RGPD2: variants seen among roughly 807,000 people sequenced by gnomAD.
RGPD2 encodes the protein RANBP2 like and GRIP domain containing 2.
A neutral mutation model predicts 36.0 loss-of-function variants in RGPD2; 2 were observed. That is an observed-to-expected ratio of 0.06 (90% CI 0.02 to 0.17). RGPD2 has a LOEUF of 0.17. RGPD2 is among the 10% of genes least tolerant of loss of function. RGPD2 has a pLI of 1.00. For missense variants in RGPD2, 40 were observed against 464.3 expected (o/e 0.09, Z 8.40); for synonymous variants, 19 against 163.8 (o/e 0.12, Z 6.75).
At chr2:87,912,884 G>T in the RGPD2 span, among the ~76,000 whole-genome samples, 2 of 136,564 alleles carry the variant, frequency 1.5e-5, no homozygotes, top group African/African-American at 5.6e-5. Context: ...ACAAAAAGAA[G>T]ACAGAAGATA....
the RGPD2 span, among the ~76,000 whole-genome samples, chr2:87,948,076 C>T: frequency 6.1e-4 from 93 of 152,328 alleles, no homozygotes; most frequent in African/African-American, 1.9e-3. Context: ...GAACCTTAAG[C>T]GTTACATTAG....
the RGPD2 span, among the ~76,000 whole-genome samples, chr2:87,937,030 T>C: frequency 1.3e-5 from 2 of 151,604 alleles, no homozygotes; most frequent in Admixed American, 1.3e-4. Context: ...GAGCAAAATA[T>C]GGTTTCTGTC....
chr2:87,968,229 T>TGTCACATG, the RGPD2 span, among the ~76,000 whole-genome samples: 2 of 148,096 alleles, frequency 1.4e-5, no homozygotes, highest in Admixed American at 1.4e-4. Context: ...TATCCCTGAA[T>TGTCACATG]GTCACATGGT....
At chr2:87,880,234 T>G in the RGPD2 span, among the ~76,000 whole-genome samples, 1 of 152,238 alleles carries the variant, frequency 6.6e-6, no homozygotes, top group African/African-American at 2.4e-5. Flanking sequence ...ATATATAATT[T>G]GCATATATTT....
the RGPD2 span, among the ~76,000 whole-genome samples, chr2:87,967,734 A>T: frequency 2.7e-5 from 4 of 149,950 alleles, no homozygotes. Flanking sequence ...TCTCTTGGGT[A>T]TCTAAGCTAG....
chr2:87,805,778 T>C (rs563819096), intron 7 of RGPD2, among the ~76,000 whole-genome samples: 1 of 151,888 alleles, frequency 6.6e-6, no homozygotes, highest in African/African-American at 2.4e-5. Context: ...GAAAATGGTG[T>C]GAACTCGGGA....
At chr2:87,857,234 A>G in the RGPD2 span, among the ~76,000 whole-genome samples, 1 of 152,266 alleles carries the variant, frequency 6.6e-6, no homozygotes, top group Non-Finnish European at 1.5e-5. Flanking sequence ...CACATTTTAT[A>G]GATTATAGAC....
chr2:87,978,245 T>G, the RGPD2 span, among the ~76,000 whole-genome samples: 152 of 152,218 alleles, frequency 1.0e-3, 2 homozygotes, highest in South Asian at 0.029. Context: ...GTCTAGAACA[T>G]GTAAGAACTT....
the RGPD2 span, among the ~76,000 whole-genome samples, chr2:87,977,854 G>C: frequency 2.0e-5 from 3 of 152,146 alleles, no homozygotes; most frequent in African/African-American, 7.2e-5. Context: ...AGTGGCTCAC[G>C]CCTGTAATCC....
At chr2:87,964,338 A>G in the RGPD2 span, among the ~76,000 whole-genome samples, 88 of 152,198 alleles carry the variant, frequency 5.8e-4, no homozygotes, top group African/African-American at 2.1e-3. Flanking sequence ...ACCATGTTGC[A>G]AATACAGTTC....
chr2:87,848,816 T>G, the RGPD2 span, among the ~76,000 whole-genome samples: 1 of 149,574 alleles, frequency 6.7e-6, no homozygotes, highest in African/African-American at 2.5e-5. Flanking sequence ...TGGCCAAAAT[T>G]AGAGGTTTTG....
At chr2:87,937,020 G>A in the RGPD2 span, among the ~76,000 whole-genome samples, 54 of 151,496 alleles carry the variant, frequency 3.6e-4, no homozygotes, top group African/African-American at 1.2e-3. Flanking sequence ...ATAAAAACAC[G>A]AGCAAAATAT....
chr2:87,932,568 G>A, the RGPD2 span, among the ~76,000 whole-genome samples: 3 of 138,412 alleles, frequency 2.2e-5, no homozygotes, highest in African/African-American at 5.5e-5. Flanking sequence ...GTACTTCAGT[G>A]TGCTTTTGTA....
the RGPD2 span, among the ~76,000 whole-genome samples, chr2:87,955,928 GT>G: frequency 0.013 from 68 of 5,418 alleles, 1 homozygote; most frequent in African/African-American, 0.052. Flanking sequence ...ACTTACTATA[GT>G]TTTTTTATTC....
At chr2:87,881,731 G>A in the RGPD2 span, among the ~76,000 whole-genome samples, 1,299 of 142,272 alleles carry the variant, frequency 9.1e-3, no homozygotes, top group Non-Finnish European at 0.015. Flanking sequence ...CCAAGGTCGC[G>A]TCCACATTTT....
the RGPD2 span, among the ~76,000 whole-genome samples, chr2:87,878,442 AT>A: frequency 2.0e-5 from 3 of 151,276 alleles, no homozygotes; most frequent in African/African-American, 7.3e-5. Context: ...TTTTATTATG[AT>A]TTTTAGCTTC....
At chr2:87,805,695 T>C (rs950996565) in intron 7 of RGPD2, among the ~76,000 whole-genome samples, 1 of 151,972 alleles carries the variant, frequency 6.6e-6, no homozygotes, top group Non-Finnish European at 1.5e-5. Flanking sequence ...CCGTCTCTAC[T>C]AAAAATACAA....
chr2:87,928,999 T>C, the RGPD2 span, among the ~76,000 whole-genome samples: 2 of 151,958 alleles, frequency 1.3e-5, no homozygotes, highest in Admixed American at 1.3e-4. Flanking sequence ...TTCTGTAGGT[T>C]GTCGGGTTAC....
At chr2:87,951,738 C>T in the RGPD2 span, among the ~76,000 whole-genome samples, 364 of 144,468 alleles carry the variant, frequency 2.5e-3, no homozygotes, top group African/African-American at 8.8e-3. Context: ...ATGTGTGCCA[C>T]CACACCTGGC....
Sources: gnomAD v4.1 joint callset for allele counts (sites outside exome capture counted in the v4.1 genomes callset) on GRCh38, gnomAD v4.1.1 for gene constraint, MANE v1.5 for transcripts, NCBI Gene and HGNC (gene_info 2026-07-23, HGNC 2026-07-21) for gene names.